The following AMHR2 variants were observed in gnomAD, a reference collection of about 807,000 sequenced individuals.
AMHR2 encodes the protein anti-Mullerian hormone receptor type 2.
AMHR2 carries 36 observed loss-of-function variants against 61.4 expected under a neutral mutation model. That is an observed-to-expected ratio of 0.59 (90% CI 0.45 to 0.77). AMHR2 has a LOEUF of 0.77. AMHR2 is among the 30% of genes least tolerant of loss of function. The probability of loss-of-function intolerance (pLI) is 0.00; values close to 1 mark genes in which losing one functional copy is unlikely to be tolerated. For missense variants in AMHR2, 638 were observed against 714.6 expected, an observed-to-expected ratio of 0.89 and a Z score of 1.22; for synonymous variants, 258 against 279.4, an observed-to-expected ratio of 0.92 and a Z score of 0.76.
chr12:53,429,316 C>T (rs554019137), intron 7 of AMHR2, 137 bp from the exon 8 acceptor site: 14 of 932,712 alleles, frequency 1.5e-5, no homozygotes, highest in Middle Eastern at 2.6e-4. Context: ...CACTTGAACC[C>T]GGGAGGCGGA....
intron 6 of AMHR2, among the ~76,000 whole-genome samples, chr12:53,427,132 T>TATAGACTAGCAGGGG (rs1939674796): frequency 6.6e-6 from 1 of 152,172 alleles, no homozygotes; most frequent in Non-Finnish European, 1.5e-5. Flanking sequence ...TTACAGATTT[T>TATAGACTAGCAGGGG]ATAGACTAGC....
chr12:53,428,359 C>G (rs142890072), intron 6 of AMHR2, among the ~76,000 whole-genome samples: 4 of 152,194 alleles, frequency 2.6e-5, no homozygotes, highest in Non-Finnish European at 4.4e-5. Flanking sequence ...TGGCTCTGCC[C>G]GTCTATGTGT....
intron 10 of AMHR2, 48 bp from the exon 11 acceptor site, chr12:53,431,129 C>T: frequency 6.2e-7 from 1 of 1,607,594 alleles, no homozygotes; most frequent in Non-Finnish European, 8.5e-7. Context: ...ACCCTGGGGC[C>T]CACTCAAGAT....
chr12:53,430,612 C>T (rs548872966), intron 10 of AMHR2: 5 of 457,394 alleles, frequency 1.1e-5, no homozygotes, highest in African/African-American at 3.9e-5. Flanking sequence ...TGCTCTTGCC[C>T]TGAGCTCTGC....
chr12:53,428,085 A>G (rs1411947516), intron 6 of AMHR2, among the ~76,000 whole-genome samples: 1 of 152,172 alleles, frequency 6.6e-6, no homozygotes, highest in East Asian at 1.9e-4. Context: ...CAGCTCAAAA[A>G]TCACTGTTTT....
Position 53,431,525 on chromosome 12 carries a change from G to T in AMHR2, c.*52G>T. 6.2e-7 allele frequency: 1 copy of T among 1,608,288 alleles called. No homozygotes were observed. The highest frequency in any genetic ancestry group is 1.7e-5 in the Admixed American group (1 of 59,992). On this transcript the variant is annotated 3_prime_UTR_variant, in exon 11 of 11. Coordinates refer to ENST00000257863, the MANE Select transcript of AMHR2 (RefSeq NM_020547.3). ...ACATGCCAACATAAATATGGCGATT[G>T]TATAGCTGTCTTGTCTGCCTCATCA...
intron 8 of AMHR2, 37 bp from the exon 9 acceptor site, chr12:53,429,794 A>G (rs755082713): frequency 6.8e-6 from 11 of 1,613,784 alleles, no homozygotes; most frequent in Non-Finnish European, 9.3e-6. Flanking sequence ...GGATTGCCAC[A>G]GAGATGATTC....
Position 53,430,245 on chromosome 12 carries a change from G to A in AMHR2, c.1388G>A (p.Arg463His), listed in dbSNP as rs765635891. The A allele has an allele frequency of 1.5e-5, 24 of 1,614,166 alleles. No individual in the cohort carries two copies. Among genetic ancestry groups the A allele is most frequent in the Non-Finnish European group, 1.9e-5 (23 of 1,180,032 alleles). The change falls in exon 10 of 11, where the codon CGT becomes CAT. Residue 463 changes from arginine to histidine, a missense_variant. Transcript: ENST00000257863. ...LWALAVQERR[R>H]PYIPSTWRCF... Reference sequence around the variant, plus strand: ...GCCTTGGCAGTGCAGGAGAGGAGGCGTCCCTACATCCCATCCACCTGGCGC... The same window carrying A: ...GCCTTGGCAGTGCAGGAGAGGAGGCATCCCTACATCCCATCCACCTGGCGC...
chr12:53,427,833 TC>T (rs1170398307), intron 6 of AMHR2, among the ~76,000 whole-genome samples: 1 of 152,210 alleles, frequency 6.6e-6, no homozygotes, highest in African/African-American at 2.4e-5. Context: ...TAGAGCTGGC[TC>T]CTCATCATCG....
At position 53,424,378 on chromosome 12, in the gene AMHR2, C is replaced by T. The variant is rs1304180963; in HGVS notation, c.140C>T (p.Thr47Ile). Residue 47 changes from threonine to isoleucine, a missense_variant, in exon 2 of 11, where the codon ACA becomes ATA. Transcript: ENST00000257863. ...CTGGGAGAGCTGCTAGATACAGGCA[C>T]AGAGCTCCCCAGAGCTATCCGCTGC... ...KTLGELLDTG[T>I]ELPRAIRCLY... 1 of 1,613,508 alleles carries T rather than the reference C, an allele frequency of 6.2e-7. No homozygotes were observed. The highest frequency in any genetic ancestry group is 1.7e-5 in the Admixed American group (1 of 59,990).
At chr12:53,426,401 A>T (rs1939592530) in intron 6 of AMHR2, among the ~76,000 whole-genome samples, 1 of 152,104 alleles carries the variant, frequency 6.6e-6, no homozygotes, top group Non-Finnish European at 1.5e-5. Context: ...AGGTGTGAGG[A>T]TCACTTGAAC....
chr12:53,429,409 G>A, intron 7 of AMHR2, 44 bp from the exon 8 acceptor site: 2 of 1,586,906 alleles, frequency 1.3e-6, no homozygotes, highest in Middle Eastern at 1.7e-4. Context: ...AAAAAAGAGG[G>A]AGGAAGAAAA....
At chr12:53,425,402 T>A in intron 4 of AMHR2, 53 bp from the exon 5 acceptor site, 1 of 1,608,574 alleles carries the variant, frequency 6.2e-7, no homozygotes, top group Non-Finnish European at 8.5e-7. Flanking sequence ...CGAAGTCCCT[T>A]TTCCTGTCCC....
At chr12:53,424,158 G>A in intron 1 of AMHR2, 130 bp from the exon 2 acceptor site, 2 of 1,388,706 alleles carry the variant, frequency 1.4e-6, no homozygotes, top group Non-Finnish European at 2.0e-6. Context: ...TGCTGACCCT[G>A]CTTCCTCCTG....
chr12:53,425,893 C>A lies in AMHR2; in HGVS notation c.826C>A (p.Leu276Met). 1 of 1,614,054 alleles carries A rather than the reference C, an allele frequency of 6.2e-7. No homozygotes were observed. Among genetic ancestry groups the A allele is most frequent in the Non-Finnish European group, 8.5e-7 (1 of 1,180,022 alleles). The change falls in exon 6 of 11, where the codon CTG (leucine) becomes ATG (methionine). Residue 276 changes from leucine to methionine, a missense_variant. Physicochemically the swap from Leu to Met is conservative, Grantham distance 15. Transcript: ENST00000257863. Reference sequence around the variant, plus strand: ...TCCTGGCCGCCTGCTCTCTGGGCCCCTGCTGGTACTGGAACTGCATCCCAA... The same window carrying A: ...TCCTGGCCGCCTGCTCTCTGGGCCCATGCTGGTACTGGAACTGCATCCCAA... ...GGPGRLLSGP[L>M]LVLELHPKGS... is the part of the protein sequence containing the mutation.
At chr12:53,429,266 C>T (rs1158507605) in intron 7 of AMHR2, among the ~76,000 whole-genome samples, 187 bp from the exon 8 acceptor site, 1 of 152,066 alleles carries the variant, frequency 6.6e-6, no homozygotes, top group Non-Finnish European at 1.5e-5. Flanking sequence ...GTGGCATGTG[C>T]CTGTAGTCCC....
rs1301117788 is a variant in AMHR2, at chr12:53,430,239, G to T, written c.1382G>T (p.Arg461Met). 2 of 1,614,208 alleles carry T rather than the reference G, an allele frequency of 1.2e-6. No individual in the cohort carries two copies. Among genetic ancestry groups the T allele is most frequent in the Admixed American group, 3.3e-5 (2 of 60,014 alleles). The change falls in exon 10 of 11, where the codon AGG becomes ATG. Residue 461 changes from arginine (R) to methionine (M), a missense_variant. Physicochemically the swap from Arg to Met is moderately conservative, Grantham distance 91. Transcript: ENST00000257863. ...CTATGGGCCTTGGCAGTGCAGGAGA[G>T]GAGGCGTCCCTACATCCCATCCACC... ...DELWALAVQE[R>M]RRPYIPSTWR...
Position 53,424,384 on chromosome 12 carries a change from T to A in AMHR2, c.146T>A (p.Leu49His), listed in dbSNP as rs1939343426. The A allele has an allele frequency of 6.2e-7, 1 of 1,613,488 alleles. No individual in the cohort carries two copies. The highest frequency in any genetic ancestry group is 2.2e-5 in the East Asian group (1 of 44,866). Residue 49 changes from leucine to histidine, a missense_variant, in exon 2 of 11, where the codon CTC (leucine) becomes CAC (histidine). Transcript: ENST00000257863. Reference sequence around the variant, plus strand: ...GAGCTGCTAGATACAGGCACAGAGCTCCCCAGAGCTATCCGCTGCCTCTAC... The same window carrying A: ...GAGCTGCTAGATACAGGCACAGAGCACCCCAGAGCTATCCGCTGCCTCTAC... ...LGELLDTGTE[L>H]PRAIRCLYSR... is the part of the protein sequence containing the mutation.
In AMHR2 at chr12:53,425,932, GA is replaced by G. The variant is rs1474579404; in HGVS notation, c.852+14del. 1.5e-5 allele frequency: 24 copies of G among 1,610,788 alleles called. No homozygotes were observed. The highest frequency in any genetic ancestry group is 2.0e-5 in the Non-Finnish European group (23 of 1,177,842). ...ACTGCATCCCAAGGTGAGCACCAAG[GA>G]GTGTATATGTGTGTGTGTGTGCCTG... On this transcript the variant is annotated intron_variant, in intron 6 of 10. Coordinates refer to ENST00000257863, the MANE Select transcript of AMHR2 (RefSeq NM_020547.3).
Sources: gnomAD v4.1 joint callset for allele counts (sites outside exome capture counted in the v4.1 genomes callset) on GRCh38, gnomAD v4.1.1 for gene constraint, MANE v1.5 for transcripts, NCBI Gene and HGNC (gene_info 2026-07-23, HGNC 2026-07-21) for gene names.